The following SNX29 variants were observed in gnomAD, a reference collection of about 807,000 sequenced individuals.
SNX29 encodes the protein sorting nexin 29, also known as sorting nexin-29.
Under a neutral mutation model 102.1 loss-of-function variants are expected in SNX29, and 78 were observed. The observed-to-expected ratio is 0.76, with a 90% CI of 0.64 to 0.92. SNX29 has a LOEUF of 0.92. Among genes scored for constraint, SNX29 ranks in the 40% least tolerant of loss-of-function variants. The pLI is 0.00. For missense variants in SNX29, 1,280 were observed against 1,061.7 expected (o/e 1.21, Z -2.86); for synonymous variants, 580 against 414.5 (o/e 1.40, Z -4.85).
At chr16:12,220,975 T>C (rs1217425456) in intron 14 of SNX29, among the ~76,000 whole-genome samples, 1 of 152,240 alleles carries the variant, frequency 6.6e-6, no homozygotes, top group African/African-American at 2.4e-5. Flanking sequence ...AAATATGTGC[T>C]GTACACATTA....
chr16:12,389,445 G>T (rs938972518), intron 16 of SNX29, among the ~76,000 whole-genome samples: 1 of 152,022 alleles, frequency 6.6e-6, no homozygotes, highest in African/African-American at 2.4e-5. Context: ...TTCCGCTTTC[G>T]CTTGGCTCTC....
At chr16:12,446,056 T>G (rs2086036647) in intron 18 of SNX29, among the ~76,000 whole-genome samples, 1 of 145,732 alleles carries the variant, frequency 6.9e-6, no homozygotes, top group African/African-American at 2.5e-5. Flanking sequence ...TCTTTTTTTT[T>G]TTTTTTTTTT....
chr16:12,345,965 G>C (rs1799241914), intron 15 of SNX29, among the ~76,000 whole-genome samples: 2 of 152,234 alleles, frequency 1.3e-5, no homozygotes, highest in East Asian at 3.9e-4. Context: ...AGTCCCGTCA[G>C]CTTCAGCAGC....
At chr16:12,323,004 GTCA>G in intron 15 of SNX29, among the ~76,000 whole-genome samples, 1 of 65,278 alleles carries the variant, frequency 1.5e-5, no homozygotes. Flanking sequence ...GGGGACCACT[GTCA>G]GGATGCGGTC....
intron 18 of SNX29, among the ~76,000 whole-genome samples, chr16:12,426,868 G>A (rs1044262147): frequency 2.6e-5 from 4 of 152,126 alleles, no homozygotes; most frequent in African/African-American, 4.8e-5. Context: ...GTTTTGCCAT[G>A]TTGACCAGGC....
intron 15 of SNX29, among the ~76,000 whole-genome samples, chr16:12,320,401 G>T (rs1405167437): frequency 6.6e-6 from 1 of 152,228 alleles, no homozygotes; most frequent in South Asian, 2.1e-4. Flanking sequence ...GGGCTGGTGC[G>T]TAGCAGGTAT....
At chr16:12,437,683 C>T (rs951395990) in intron 18 of SNX29, among the ~76,000 whole-genome samples, 1 of 152,182 alleles carries the variant, frequency 6.6e-6, no homozygotes, top group Admixed American at 6.5e-5. Flanking sequence ...GACCCAGAGT[C>T]CCTGGGAGGG....
In SNX29 at chr16:12,346,227, C is replaced by T. The variant is rs1039011827; in HGVS notation, c.1783-9936C>T. Among the ~76,000 whole-genome samples the T allele has an allele frequency of 7.2e-5, 11 of 151,838 alleles. No homozygotes were observed. In the South Asian group the frequency reaches 1.5e-3, roughly 20 times the overall value. On this transcript the variant is annotated intron_variant, in intron 15 of 20. Transcript: ENST00000566228. ...TAGGTTTGGCCACAGGATGGAGGAG[C>T]GGGGACAGACCTTGGAGAGATGAAG...
intron 11 of SNX29, among the ~76,000 whole-genome samples, chr16:12,120,059 C>T (rs1266584576): frequency 1.3e-5 from 2 of 151,938 alleles, no homozygotes; most frequent in Non-Finnish European, 2.9e-5. Context: ...AGGAGGGTGG[C>T]AGGAGAGAGA....
chr16:12,372,514 C>G (rs2151385839), intron 16 of SNX29: 1 of 152,312 alleles, frequency 6.6e-6, no homozygotes, highest in South Asian at 2.1e-4. Flanking sequence ...GTGGAAGACA[C>G]AGACATACTA....
At chr16:12,253,445 T>C (rs1202828816) in intron 14 of SNX29, among the ~76,000 whole-genome samples, 4 of 152,188 alleles carry the variant, frequency 2.6e-5, no homozygotes, top group Non-Finnish European at 2.9e-5. Flanking sequence ...ATAATTGATA[T>C]GGAACAAAAG....
intron 14 of SNX29, among the ~76,000 whole-genome samples, chr16:12,258,758 G>A (rs539144758): frequency 2.0e-5 from 3 of 152,146 alleles, no homozygotes; most frequent in Non-Finnish European, 4.4e-5. Flanking sequence ...CGTGGAACTT[G>A]TAAGGGTTTG....
intron 19 of SNX29, among the ~76,000 whole-genome samples, chr16:12,513,334 C>T (rs2089717582): frequency 7.0e-6 from 1 of 142,374 alleles, no homozygotes; most frequent in African/African-American, 2.7e-5. Context: ...CCCCTGCCTG[C>T]CCTGCCCTGC....
chr16:12,565,280 C>T lies in SNX29; in HGVS notation c.2319-3226C>T, dbSNP rs530686309. On this transcript the variant is annotated intron_variant, in intron 20 of 20. Coordinates refer to ENST00000566228, the MANE Select transcript of SNX29 (RefSeq NM_032167.5). The stretch of plus-strand genomic sequence containing the variant: ...GTTGCAAGAGGTTCAGCCTCACATA[C>T]GCCAGCAGCCACCAGCACTCTCCAT... Among the ~76,000 whole-genome samples the T allele has an allele frequency of 3.2e-4, 49 of 152,112 alleles. 1 individual carries two copies. Among genetic ancestry groups the T allele is most frequent in the African/African-American group, 7.3e-4 (30 of 41,376 alleles).
At chr16:12,426,003 C>T (rs1258079986) in intron 18 of SNX29, among the ~76,000 whole-genome samples, 1 of 151,918 alleles carries the variant, frequency 6.6e-6, no homozygotes, top group Non-Finnish European at 1.5e-5. Context: ...TGGGCATTGG[C>T]CAGAGACCTT....
At chr16:12,186,399 A>G (rs1007826563) in intron 13 of SNX29, among the ~76,000 whole-genome samples, 1 of 152,112 alleles carries the variant, frequency 6.6e-6, no homozygotes, top group Non-Finnish European at 1.5e-5. Context: ...TTTTTTCCTG[A>G]TCTATTTAAG....
chr16:12,019,591 T>TAGATAGATAGATAGATAGATAG (rs1555520333), intron 3 of SNX29, among the ~76,000 whole-genome samples: 1 of 142,766 alleles, frequency 7.0e-6, no homozygotes, highest in Admixed American at 7.0e-5. Context: ...AATATATATA[T>TAGATAGATAGATAGATAGATAG]ATAGATAGAT....
chr16:12,100,157 C>T (rs954525702), intron 11 of SNX29, among the ~76,000 whole-genome samples: 6 of 152,194 alleles, frequency 3.9e-5, no homozygotes, highest in African/African-American at 1.4e-4. Context: ...TTTCATCCTT[C>T]AGTCATTCAT....
intron 20 of SNX29, among the ~76,000 whole-genome samples, chr16:12,542,337 G>C (rs2077380095): frequency 6.6e-6 from 1 of 152,190 alleles, no homozygotes; most frequent in Admixed American, 6.5e-5. Flanking sequence ...TAGAGCAAGA[G>C]ATTGTCTCAA....
Sources: allele counts gnomAD v4.1 joint callset (sites outside exome capture counted in the v4.1 genomes callset), GRCh38; gene constraint gnomAD v4.1.1; transcripts MANE v1.5; gene names NCBI Gene and HGNC (gene_info 2026-07-23, HGNC 2026-07-21).